KIF26B: variants seen among roughly 807,000 people sequenced by gnomAD.
The protein encoded by KIF26B is kinesin-like protein KIF26B.
A neutral mutation model predicts 151.2 loss-of-function variants in KIF26B; 63 were observed. The ratio of observed to expected loss-of-function variants is 0.42; its 90% CI spans 0.34 to 0.51. The LOEUF is 0.51. Among genes scored for constraint, KIF26B ranks in the 20% least tolerant of loss-of-function variants. The probability of loss-of-function intolerance (pLI) is 0.07; values close to 1 mark genes in which losing one functional copy is unlikely to be tolerated. For synonymous variants in KIF26B, 1,357 were observed against 1,262.1 expected (o/e 1.08, Z -1.59); for missense variants, 2,813 against 2,913.6 (o/e 0.97, Z 0.79).
At chr1:245,173,920 A>G (rs4658716) in intron 2 of KIF26B, among the ~76,000 whole-genome samples, 151,795 of 152,322 alleles carry the variant, frequency 1, 75,637 homozygotes, top group Middle Eastern at 1. Flanking sequence ...AGTGCAAGAC[A>G]GCTCTTTTAT....
At chr1:245,316,044 A>T (rs964966358) in intron 2 of KIF26B, among the ~76,000 whole-genome samples, 5 of 152,188 alleles carry the variant, frequency 3.3e-5, no homozygotes, top group African/African-American at 4.8e-5. Flanking sequence ...GCCTAACTAG[A>T]CCACAGCCTG....
intron 2 of KIF26B, among the ~76,000 whole-genome samples, chr1:245,192,025 A>G (rs909291853): frequency 1.3e-5 from 2 of 152,200 alleles, no homozygotes; most frequent in African/African-American, 4.8e-5. Flanking sequence ...TTGACCTGGT[A>G]GTTCTATTTC....
chr1:245,538,431 T>G (rs1056603627), intron 4 of KIF26B, among the ~76,000 whole-genome samples: 2 of 151,364 alleles, frequency 1.3e-5, no homozygotes, highest in Admixed American at 6.6e-5. Flanking sequence ...AGCGTGAAAG[T>G]TTGTAGGAGG....
chr1:245,242,507 A>G (rs539495721), intron 2 of KIF26B, among the ~76,000 whole-genome samples: 1 of 152,302 alleles, frequency 6.6e-6, no homozygotes, highest in African/African-American at 2.4e-5. Context: ...GGACTAATAA[A>G]AAGTTGTATG....
chr1:245,298,147 A>G (rs1671369242), intron 2 of KIF26B, among the ~76,000 whole-genome samples: 1 of 152,194 alleles, frequency 6.6e-6, no homozygotes, highest in Non-Finnish European at 1.5e-5. Context: ...TCAGCCTCCC[A>G]AAGTGCTGGG....
At chr1:245,259,476 G>A (rs555466806) in intron 2 of KIF26B, among the ~76,000 whole-genome samples, 1 of 152,274 alleles carries the variant, frequency 6.6e-6, no homozygotes, top group South Asian at 2.1e-4. Flanking sequence ...TGATTCTAGA[G>A]AATAAGGCCG....
At chr1:245,199,330 T>C (rs1361006944) in intron 2 of KIF26B, among the ~76,000 whole-genome samples, 1 of 151,960 alleles carries the variant, frequency 6.6e-6, no homozygotes, top group Admixed American at 6.6e-5. Flanking sequence ...CCTCCTCCCT[T>C]CTTGAGGGTG....
intron 4 of KIF26B, among the ~76,000 whole-genome samples, chr1:245,462,356 G>C (rs1659666440): frequency 6.6e-6 from 1 of 152,168 alleles, no homozygotes; most frequent in Non-Finnish European, 1.5e-5. Context: ...TGCACGCGTA[G>C]TGTTTGCCCC....
Position 245,488,394 on chromosome 1 carries a change from T to A in KIF26B, c.1167-52373T>A, listed in dbSNP as rs573989923. Among the ~76,000 whole-genome samples, 3 of 152,158 alleles carry A rather than the reference T, an allele frequency of 2.0e-5. No individual in the cohort carries two copies. Among genetic ancestry groups the A allele is most frequent in the Admixed American group, 6.5e-5 (1 of 15,290 alleles). On this transcript the variant is annotated intron_variant, in intron 4 of 14. Coordinates refer to ENST00000407071, the MANE Select transcript of KIF26B (RefSeq NM_018012.4). This position sits in a 1 kb window ranked among gnomAD's most constrained non-coding sequence, Gnocchi z 4.6. ...TTCCAACAGAACCTAACAATAGATA[T>A]GCTCTCTGAAAACTCTACCCAGATC...
chr1:245,378,925 G>A (rs1004106618), intron 3 of KIF26B, among the ~76,000 whole-genome samples: 8 of 152,178 alleles, frequency 5.3e-5, no homozygotes, highest in Admixed American at 2.0e-4. Flanking sequence ...GTGAGAGGGC[G>A]TGTTTTGCAT....
At chr1:245,191,760 C>T (rs1356076780) in intron 2 of KIF26B, among the ~76,000 whole-genome samples, 1 of 152,018 alleles carries the variant, frequency 6.6e-6, no homozygotes, top group Non-Finnish European at 1.5e-5. Flanking sequence ...ATTAAGACCG[C>T]AGTAGTTTAA....
At chr1:245,465,255 G>A (rs1659759561) in intron 4 of KIF26B, among the ~76,000 whole-genome samples, 1 of 152,168 alleles carries the variant, frequency 6.6e-6, no homozygotes, top group Non-Finnish European at 1.5e-5. Flanking sequence ...TGGGATCACA[G>A]GCGTGAGCCA....
At chr1:245,548,009 C>T (rs189762009) in intron 5 of KIF26B, among the ~76,000 whole-genome samples, 12 of 152,294 alleles carry the variant, frequency 7.9e-5, no homozygotes, top group Non-Finnish European at 1.6e-4. Context: ...ACTTCCCCTG[C>T]CTGCTTCATA....
chr1:245,576,574 C>A (rs1371630570), intron 5 of KIF26B, among the ~76,000 whole-genome samples: 1 of 152,284 alleles, frequency 6.6e-6, no homozygotes, highest in South Asian at 2.1e-4. Flanking sequence ...CAGCTCTGGA[C>A]CTGCACTCCG....
chr1:245,686,363 C>T lies in KIF26B; in HGVS notation c.3380C>T (p.Pro1127Leu). Residue 1127 changes from proline (P) to leucine (L), a missense_variant, in exon 12 of 15, where the codon CCC (proline) becomes CTC (leucine). Physicochemically the swap from Pro to Leu is moderately conservative, Grantham distance 98. Transcript: ENST00000407071. The surrounding 1 kb of genome is among the most constrained non-coding windows in gnomAD (Gnocchi z 5.6). ...TTGCTGCAGCCCGAGGTGCGTACGCCCCCGGTTGGAATGAGCCCCCAGGTT... is the reference window on the plus strand; with the variant it reads ...TTGCTGCAGCCCGAGGTGCGTACGCTCCCGGTTGGAATGAGCCCCCAGGTT... ...ESLLQPEVRT[P>L]PVGMSPQVLK... is the part of the protein sequence containing the mutation. 6.2e-7 allele frequency: 1 copy of T among 1,613,362 alleles called. No individual in the cohort carries two copies. Among genetic ancestry groups the T allele is most frequent in the Non-Finnish European group, 8.5e-7 (1 of 1,179,884 alleles).
chr1:245,411,678 G>A (rs1410295921), intron 3 of KIF26B, among the ~76,000 whole-genome samples: 1 of 152,198 alleles, frequency 6.6e-6, no homozygotes, highest in African/African-American at 2.4e-5. Context: ...TCCTTAGAGG[G>A]AGCCTGTTCT....
chr1:245,356,210 C>CA (rs1174392086), intron 2 of KIF26B, among the ~76,000 whole-genome samples: 3 of 151,748 alleles, frequency 2.0e-5, no homozygotes, highest in South Asian at 2.1e-4. Context: ...CAGAAACAAG[C>CA]AAAAAAACAC....
At chr1:245,673,252 G>A (rs12734184) in intron 10 of KIF26B, among the ~76,000 whole-genome samples, 3,868 of 48,346 alleles carry the variant, frequency 0.08, 368 homozygotes, top group Middle Eastern at 0.1. Context: ...CCCAGTCCCC[G>A]CTGGGCGCTG....
chr1:245,528,107 T>C (rs1661280822), intron 4 of KIF26B, among the ~76,000 whole-genome samples: 1 of 151,856 alleles, frequency 6.6e-6, no homozygotes, highest in Non-Finnish European at 1.5e-5. Flanking sequence ...TGCACCTAAG[T>C]GCAGATGAAA....
Sources: allele counts gnomAD v4.1 joint callset (sites outside exome capture counted in the v4.1 genomes callset), GRCh38; gene constraint gnomAD v4.1.1; non-coding constraint Gnocchi (gnomAD v3.1); transcripts MANE v1.5; gene names NCBI Gene and HGNC (gene_info 2026-07-23, HGNC 2026-07-21).